ATRX: variants seen among roughly 807,000 people sequenced by gnomAD.
ATRX encodes chromatin remodeler ATRX.
Under a neutral mutation model 172.6 loss-of-function variants are expected in ATRX, and 12 were observed. The ratio of observed to expected loss-of-function variants is 0.07; its 90% CI spans 0.04 to 0.11. The LOEUF (loss-of-function observed/expected upper bound fraction) is 0.11, where lower values mean the gene tolerates loss of function less well. ATRX is among the 10% of genes least tolerant of loss of function. The pLI is 1.00. For missense variants in ATRX, 1,368 were observed against 1,767.4 expected (o/e 0.77, Z 4.05); for synonymous variants, 674 against 594.7 (o/e 1.13, Z -1.94).
intron 1 of ATRX, among the ~76,000 whole-genome samples, chrX:77,738,752 C>T (rs1401817292): frequency 2.8e-5 from 3 of 108,483 alleles, no homozygotes; most frequent in Non-Finnish European, 3.8e-5. Context: ...TCAGTAGAGA[C>T]GGGTTTCACC....
rs35738915 is a variant in ATRX at position 77,683,623 on chromosome X, G to C, written c.1633C>G (p.Gln545Glu). The change falls in exon 9 of 35, where the codon CAA becomes GAA. Residue 545 changes from glutamine (Q) to glutamate (E), a missense_variant. Coordinates refer to ENST00000373344, the MANE Select transcript of ATRX (RefSeq NM_000489.6). ...TCAGTTCCACTGCTGCCATCCCCTT[G>C]ATGATCAACTGAACTCTGAACTTCC... ...AMEVQSSVDH[Q>E]GDGSSGTEQE... The C allele has an allele frequency of 1.1e-3, 1,391 of 1,209,806 alleles. 14 individuals carry two copies. The African/African-American group carries it at 0.022, about 19-fold the overall frequency.
At position 77,599,552 on chromosome X, in the gene ATRX, T is replaced by C. The variant is rs1557085877; in HGVS notation, c.5815A>G (p.Lys1939Glu). The C allele has an allele frequency of 8.3e-7, 1 of 1,207,548 alleles. No homozygotes were observed. Among genetic ancestry groups the C allele is most frequent in the Non-Finnish European group, 1.1e-6 (1 of 894,599 alleles). ...CCACTTCCACTTGAGCTACTATCTT[T>C]TTTCCCCTTTTTCCCTTTTTTCTTC... is the stretch of plus-strand genomic sequence containing the variant. ...KKKKKGKKGK[K>E]DSSSSGSGSD... is the part of the protein sequence containing the mutation. The change falls in exon 25 of 35, where the codon AAA becomes GAA. Residue 1939 changes from lysine (K) to glutamate (E), a missense_variant. Lys to Glu is a moderately conservative substitution (Grantham distance 56). Transcript: ENST00000373344.
At chrX:77,591,331 A>C (rs1239318421) in intron 26 of ATRX, among the ~76,000 whole-genome samples, 1 of 112,191 alleles carries the variant, frequency 8.9e-6, no homozygotes, top group Non-Finnish European at 1.9e-5. Flanking sequence ...AAAATCTAGA[A>C]AGAGAATATA....
chrX:77,772,287 G>A (rs1405689785), intron 1 of ATRX, among the ~76,000 whole-genome samples: 2 of 100,666 alleles, frequency 2.0e-5, no homozygotes, highest in Admixed American at 2.2e-4. Context: ...TCCAGCCTGG[G>A]CAACACAGCA....
At chrX:77,749,949 A>G (rs2075236323) in intron 1 of ATRX, among the ~76,000 whole-genome samples, 1 of 110,361 alleles carries the variant, frequency 9.1e-6, no homozygotes, top group African/African-American at 3.3e-5. Flanking sequence ...CAAGCAGATG[A>G]TCCTCCTTCT....
At chrX:77,684,654 A>T in intron 8 of ATRX, 61 bp from the exon 9 acceptor site, 1 of 1,091,159 alleles carries the variant, frequency 9.2e-7, no homozygotes, top group Non-Finnish European at 1.3e-6. Flanking sequence ...AAAGATATGT[A>T]AAAAAATAAA....
intron 1 of ATRX, among the ~76,000 whole-genome samples, chrX:77,753,537 C>CTTTTAA (rs1557188604): frequency 9.0e-6 from 1 of 110,988 alleles, no homozygotes; most frequent in Non-Finnish European, 1.9e-5. Context: ...TTCTCTAGTT[C>CTTTTAA]TTTTAATTGT....
intron 15 of ATRX, among the ~76,000 whole-genome samples, chrX:77,642,636 G>A (rs1466706694): frequency 9.8e-6 from 1 of 102,355 alleles, no homozygotes; most frequent in South Asian, 4.7e-4. Flanking sequence ...GGGTGACAGA[G>A]TAAGACTGTC....
intron 15 of ATRX, among the ~76,000 whole-genome samples, chrX:77,636,562 T>C (rs2068359974): frequency 9.0e-6 from 1 of 110,994 alleles, no homozygotes; most frequent in African/African-American, 3.3e-5. Context: ...TCAGAACTAA[T>C]ACACTACTAT....
At chrX:77,783,010 G>A (rs2076619375) in intron 1 of ATRX, among the ~76,000 whole-genome samples, 2 of 111,075 alleles carry the variant, frequency 1.8e-5, no homozygotes, top group African/African-American at 3.3e-5. Flanking sequence ...AAGGCAGGTA[G>A]ATCACTTGAG....
chrX:77,550,528 T>C (rs1320035873), intron 30 of ATRX, among the ~76,000 whole-genome samples: 1 of 111,560 alleles, frequency 9.0e-6, no homozygotes, highest in Non-Finnish European at 1.9e-5. Context: ...GGGCAAAAAC[T>C]GGAAGTATTC....
At position 77,599,716 on chromosome X, in the gene ATRX, A is replaced by C; in HGVS notation, c.5786+16T>G. ...CTTTGTCAATACAGGATGGCACGAA[A>C]AAGTATTCGATTTACTTTGTATAAT... On this transcript the variant is annotated intron_variant, in intron 24 of 34. Coordinates refer to ENST00000373344, the MANE Select transcript of ATRX (RefSeq NM_000489.6). The C allele has an allele frequency of 8.3e-7, 1 of 1,204,015 alleles. No individual in the cohort carries two copies. The highest frequency in any genetic ancestry group is 1.1e-6 in the Non-Finnish European group (1 of 888,828).
intron 1 of ATRX, among the ~76,000 whole-genome samples, chrX:77,783,062 C>T (rs1322686182): frequency 1.8e-5 from 2 of 110,594 alleles, no homozygotes; most frequent in East Asian, 5.7e-4. Flanking sequence ...GGTGAAACTC[C>T]CTCTCTACTA....
chrX:77,710,909 T>TA (rs1232495256), intron 2 of ATRX, among the ~76,000 whole-genome samples: 42 of 92,678 alleles, frequency 4.5e-4, no homozygotes, highest in South Asian at 3.2e-3. Context: ...TCAACCCAGG[T>TA]AAAAAAAAAA....
At chrX:77,656,239 AAAAGCCC>A (rs782018810) in intron 13 of ATRX, among the ~76,000 whole-genome samples, 13 of 111,686 alleles carry the variant, frequency 1.2e-4, no homozygotes, top group African/African-American at 4.2e-4. Context: ...CAGAAAGTAG[AAAAGCCC>A]AAAGTTAGAC....
In ATRX at chrX:77,688,964, A is replaced by G. The variant is rs199953567; in HGVS notation, c.485-37T>C. 29 of 1,042,828 alleles carry G rather than the reference A, an allele frequency of 2.8e-5. No individual in the cohort carries two copies. In the Admixed American group the frequency reaches 5.7e-4, roughly 20 times the overall value. 85.9% of individuals were successfully genotyped at this position (1,042,828 alleles called of 1,213,427 possible). A position where few individuals can be genotyped will look rare whatever the true frequency, so the allele number is the denominator to read the frequency against. ...GAGTGGCTATTATTCACACATTTAT[A>G]CACAGAAAAAGATACTTACTTTAGT... On this transcript the variant is annotated intron_variant, in intron 6 of 34. Transcript: ENST00000373344.
At chrX:77,582,714 A>G (rs2065869963) in intron 27 of ATRX, among the ~76,000 whole-genome samples, 1 of 111,946 alleles carries the variant, frequency 8.9e-6, no homozygotes, top group Admixed American at 9.5e-5. Flanking sequence ...TATTATCAGC[A>G]ACTATATGCC....
In ATRX at chrX:77,577,267, C is replaced by A. The variant is rs782059238; in HGVS notation, c.6218-2909G>T. Among the ~76,000 whole-genome samples the A allele has an allele frequency of 5.4e-5, 6 of 111,425 alleles. No individual in the cohort carries two copies. The South Asian group carries it at 2.3e-3, about 43-fold the overall frequency. On this transcript the variant is annotated intron_variant, in intron 27 of 34. Transcript: ENST00000373344. ...CACAAGAGTTCCAATGTCTCCATAT[C>A]CTCACCAACTCTCATTATTGTTTTT...
chrX:77,686,709 C>T (rs782279696), intron 7 of ATRX, among the ~76,000 whole-genome samples: 21 of 110,362 alleles, frequency 1.9e-4, no homozygotes, highest in East Asian at 5.7e-4. Context: ...AGTGACACTC[C>T]GCCTCAAAAA....
Sources: allele counts gnomAD v4.1 joint callset (sites outside exome capture counted in the v4.1 genomes callset), GRCh38; gene constraint gnomAD v4.1.1; transcripts MANE v1.5; gene names NCBI Gene and HGNC (gene_info 2026-07-23, HGNC 2026-07-21).